The following RERE variants were observed in gnomAD, a reference collection of about 807,000 sequenced individuals.
The protein encoded by RERE is arginine-glutamic acid dipeptide repeats protein.
A neutral mutation model predicts 146.1 loss-of-function variants in RERE; 40 were observed. That is an observed-to-expected ratio of 0.27 (90% CI 0.21 to 0.36). The LOEUF is 0.36. Among genes scored for constraint, RERE ranks in the 10% least tolerant of loss-of-function variants. RERE has a pLI of 1.00. For synonymous variants in RERE, 1,003 were observed against 866.0 expected (o/e 1.16, Z -2.78); for missense variants, 1,933 against 2,138.7 (o/e 0.90, Z 1.90).
intron 11 of RERE, among the ~76,000 whole-genome samples, chr1:8,436,113 G>GT (rs1013016011): frequency 7.2e-5 from 11 of 152,188 alleles, no homozygotes; most frequent in African/African-American, 2.4e-4. Flanking sequence ...GAGGTCAGGA[G>GT]TTTGAGACCA....
intron 1 of RERE, among the ~76,000 whole-genome samples, chr1:8,697,497 A>C (rs1639358036): frequency 6.7e-6 from 1 of 149,350 alleles, no homozygotes; most frequent in African/African-American, 2.5e-5. Flanking sequence ...GGTTCACGTC[A>C]TTCTCCTGCC....
intron 11 of RERE, among the ~76,000 whole-genome samples, chr1:8,457,837 T>C (rs1189527945): frequency 6.6e-6 from 1 of 152,020 alleles, no homozygotes; most frequent in African/African-American, 2.4e-5. Context: ...CTGACCTCAC[T>C]TGATCTCCCT....
intron 1 of RERE, chr1:8,786,394 C>T (rs1231009231): frequency 5.8e-6 from 5 of 862,814 alleles, no homozygotes; most frequent in Non-Finnish European, 7.8e-6. Context: ...GCAGATGATG[C>T]CATATTTACC....
chr1:8,694,368 C>T (rs1175196202), intron 1 of RERE, among the ~76,000 whole-genome samples: 1 of 152,142 alleles, frequency 6.6e-6, no homozygotes, highest in Admixed American at 6.5e-5. Flanking sequence ...GAATGCAATC[C>T]TATTTATAAT....
In RERE at chr1:8,479,299, A is replaced by T. The variant is rs942838218; in HGVS notation, c.1105-13276T>A. ...ATAATAATAATGAGCTATTTTTTAAATTTTTTTTAAATTTTTTTTAAATTT... is the reference window on the plus strand; with the variant it reads ...ATAATAATAATGAGCTATTTTTTAATTTTTTTTTAAATTTTTTTTAAATTT... On this transcript the variant is annotated intron_variant, in intron 10 of 22. Transcript: ENST00000400908. 5.9e-5 allele frequency among the ~76,000 whole-genome samples: 9 copies of T among 151,504 alleles called. No homozygotes were observed. In the East Asian group the frequency reaches 7.8e-4, roughly 13 times the overall value.
At chr1:8,414,681 T>G (rs1643714528) in intron 12 of RERE, among the ~76,000 whole-genome samples, 1 of 142,632 alleles carries the variant, frequency 7.0e-6, no homozygotes, top group African/African-American at 2.6e-5. Flanking sequence ...AGTGGGGGGG[T>G]CGGTGGGGGG....
At position 8,355,051 on chromosome 1, in the gene RERE, T is replaced by C. The variant is rs150484955; in HGVS notation, c.*36A>G. 4.4e-6 allele frequency: 7 copies of C among 1,590,680 alleles called. No individual in the cohort carries two copies. The East Asian group carries it at 1.6e-4, about 36-fold the overall frequency. On this transcript the variant is annotated 3_prime_UTR_variant, in exon 23 of 23. Coordinates refer to ENST00000400908, the MANE Select transcript of RERE (RefSeq NM_001042681.2). Reference sequence around the variant, plus strand: ...AAGTCCTGTTTCTCCCCCCAAGAACTGGGGTTTCCACAGCCAGCGTTAACA... The same window carrying C: ...AAGTCCTGTTTCTCCCCCCAAGAACCGGGGTTTCCACAGCCAGCGTTAACA...
intron 7 of RERE, among the ~76,000 whole-genome samples, chr1:8,511,446 A>G (rs1645333819): frequency 6.6e-6 from 1 of 152,240 alleles, no homozygotes; most frequent in Non-Finnish European, 1.5e-5. Context: ...GAAATACAAC[A>G]AAGTTCTTTT....
intron 1 of RERE, among the ~76,000 whole-genome samples, chr1:8,678,929 T>C (rs893612775): frequency 6.6e-6 from 1 of 152,210 alleles, no homozygotes; most frequent in Non-Finnish European, 1.5e-5. Flanking sequence ...CTGTCCAGTA[T>C]AGTAGTCACT....
At chr1:8,359,617 T>C (rs1339992967) in intron 19 of RERE, 147 bp downstream of exon 19, 3 of 888,182 alleles carry the variant, frequency 3.4e-6, no homozygotes, top group Non-Finnish European at 5.3e-6. Context: ...GTCAGAGGTG[T>C]GGAGACAGGG....
At chr1:8,436,122 C>T (rs1644167021) in intron 11 of RERE, among the ~76,000 whole-genome samples, 1 of 152,142 alleles carries the variant, frequency 6.6e-6, no homozygotes, top group African/African-American at 2.4e-5. Flanking sequence ...AGTTTGAGAC[C>T]AGCCTGGTCA....
intron 11 of RERE, chr1:8,424,620 A>C (rs1265038794): frequency 6.6e-6 from 1 of 152,372 alleles, no homozygotes; most frequent in African/African-American, 2.4e-5. Context: ...CGCTGTGTGC[A>C]CACAGCATAT....
chr1:8,426,460 A>AG (rs1644014905), intron 11 of RERE, among the ~76,000 whole-genome samples: 1 of 152,018 alleles, frequency 6.6e-6, no homozygotes, highest in Admixed American at 6.6e-5. Context: ...AAAAAAAAAA[A>AG]AAAAAAAAGT....
At chr1:8,639,739 C>A (rs1647152112) in intron 2 of RERE, among the ~76,000 whole-genome samples, 1 of 152,114 alleles carries the variant, frequency 6.6e-6, no homozygotes, top group Non-Finnish European at 1.5e-5. Context: ...CCAGGTGAGA[C>A]CTTTTTGTGA....
chr1:8,567,591 A>G (rs1191273700), intron 4 of RERE, among the ~76,000 whole-genome samples: 1 of 152,266 alleles, frequency 6.6e-6, no homozygotes, highest in Non-Finnish European at 1.5e-5. Flanking sequence ...ACAGTGCATG[A>G]AAACTAAATC....
intron 12 of RERE, among the ~76,000 whole-genome samples, chr1:8,380,358 A>T (rs74557816): frequency 1.2e-4 from 17 of 137,968 alleles, no homozygotes; most frequent in African/African-American, 4.9e-4. Flanking sequence ...TTTTTTTTTT[A>T]AACGAAACAA....
chr1:8,473,210 T>C (rs544997348), intron 10 of RERE, among the ~76,000 whole-genome samples: 1 of 152,318 alleles, frequency 6.6e-6, no homozygotes, highest in Admixed American at 6.5e-5. Context: ...GTGAACTCTT[T>C]CCCTATGTGG....
intron 11 of RERE, among the ~76,000 whole-genome samples, chr1:8,464,540 C>A (rs1644570211): frequency 1.3e-5 from 2 of 152,172 alleles, no homozygotes; most frequent in South Asian, 4.1e-4. Context: ...CATCACCATG[C>A]CCTGACAGCA....
At chr1:8,358,953 G>T in intron 19 of RERE, 37 bp from the exon 20 acceptor site, 2 of 1,500,128 alleles carry the variant, frequency 1.3e-6, no homozygotes, top group Non-Finnish European at 1.8e-6. Context: ...GGTCCCCCGA[G>T]CGCCTGGGGT....
Sources: gnomAD v4.1 joint callset for allele counts (sites outside exome capture counted in the v4.1 genomes callset) on GRCh38, gnomAD v4.1.1 for gene constraint, MANE v1.5 for transcripts, NCBI Gene and HGNC (gene_info 2026-07-23, HGNC 2026-07-21) for gene names.